The following ORC2 variants were observed in gnomAD, a reference collection of about 807,000 sequenced individuals.
ORC2 encodes origin recognition complex subunit 2, also known as origin recognition complex protein 2 homolog.
Under a neutral mutation model 77.7 loss-of-function variants are expected in ORC2, and 37 were observed. The observed-to-expected ratio is 0.48, with a 90% CI of 0.37 to 0.63. The LOEUF is 0.63. Among genes scored for constraint, ORC2 ranks in the 20% least tolerant of loss-of-function variants. The pLI, the probability that ORC2 is intolerant of heterozygous loss-of-function variation, is 0.00. For missense variants in ORC2, 557 were observed against 661.9 expected, an observed-to-expected ratio of 0.84 and a Z score of 1.74; for synonymous variants, 201 against 229.5, an observed-to-expected ratio of 0.88 and a Z score of 1.12.
At chr2:200,918,184 T>G (rs78291192) in intron 15 of ORC2, among the ~76,000 whole-genome samples, 1,846 of 152,310 alleles carry the variant, frequency 0.012, 32 homozygotes, top group African/African-American at 0.043. Context: ...ACTACTATCA[T>G]CCCATATAAG....
At chr2:200,953,052 G>A (rs1162895909) in intron 4 of ORC2, among the ~76,000 whole-genome samples, 3 of 149,468 alleles carry the variant, frequency 2.0e-5, no homozygotes, top group Non-Finnish European at 4.4e-5. Flanking sequence ...GGCTAAGGTT[G>A]CAGTGAGCCT....
At chr2:200,953,982 A>G (rs2041415021) in intron 4 of ORC2, among the ~76,000 whole-genome samples, 1 of 151,632 alleles carries the variant, frequency 6.6e-6, no homozygotes, top group Admixed American at 6.6e-5. Context: ...ACGCCCAGCT[A>G]ATTTTTGTAT....
chr2:200,924,047 A>C (rs2040802453), intron 13 of ORC2, among the ~76,000 whole-genome samples: 1 of 152,146 alleles, frequency 6.6e-6, no homozygotes, highest in African/African-American at 2.4e-5. Flanking sequence ...AAATGTGTAG[A>C]GTTGGTATAA....
At chr2:200,911,952 A>G (rs780225929) in intron 17 of ORC2, among the ~76,000 whole-genome samples, 1 of 152,322 alleles carries the variant, frequency 6.6e-6, no homozygotes, top group East Asian at 1.9e-4. Flanking sequence ...TTATATTCCT[A>G]AATCTCACAG....
intron 17 of ORC2, among the ~76,000 whole-genome samples, chr2:200,912,587 C>T (rs1487249003): frequency 6.9e-6 from 1 of 145,556 alleles, no homozygotes; most frequent in Non-Finnish European, 1.5e-5. Context: ...ACAACCAGCT[C>T]TTTTTTTTTT....
chr2:200,950,324 G>C lies in ORC2; in HGVS notation c.239-681C>G, dbSNP rs750078483. On this transcript the variant is annotated intron_variant, in intron 4 of 17. Coordinates refer to ENST00000234296, the MANE Select transcript of ORC2 (RefSeq NM_006190.5). Reference sequence around the variant, plus strand: ...CCAGCCTCGGTGATAAAGTGATAAAGTATCAAAAAAAAAAGCTTTCTTCAC... The same window carrying C: ...CCAGCCTCGGTGATAAAGTGATAAACTATCAAAAAAAAAAGCTTTCTTCAC... Among the ~76,000 whole-genome samples the C allele has an allele frequency of 2.0e-5, 3 of 151,378 alleles. No homozygotes were observed. In the East Asian group the frequency reaches 5.8e-4, roughly 29 times the overall value.
chr2:200,943,736 C>T (rs2041196148), intron 5 of ORC2, among the ~76,000 whole-genome samples: 1 of 152,086 alleles, frequency 6.6e-6, no homozygotes, highest in Non-Finnish European at 1.5e-5. Flanking sequence ...TCATAACAAT[C>T]TCTACAAATG....
chr2:200,929,520 G>A (rs536749350), intron 11 of ORC2, among the ~76,000 whole-genome samples: 1 of 152,264 alleles, frequency 6.6e-6, no homozygotes, highest in South Asian at 2.1e-4. Context: ...GCTGGGCGCT[G>A]TGGCTCACAC....
rs760818090 is a variant in ORC2, at chr2:200,960,777, ACTT to A, written c.-59-1340_-59-1338del. ...TGAAATTCACTTCGGACTGATCCTA[ACTT>A]CTTCTTTTTTTTTTCTAAGATGGAG... On this transcript the variant is annotated intron_variant, in intron 1 of 17. Coordinates refer to ENST00000234296, the MANE Select transcript of ORC2 (RefSeq NM_006190.5). 1.6e-4 allele frequency among the ~76,000 whole-genome samples: 24 copies of A among 152,090 alleles called. No homozygotes were observed. The East Asian group carries it at 1.7e-3, about 11-fold the overall frequency.
In ORC2 at chr2:200,910,636, G is replaced by A. The variant is rs1031670816; in HGVS notation, c.*665C>T. On this transcript the variant is annotated 3_prime_UTR_variant, in exon 18 of 18. Coordinates refer to ENST00000234296, the MANE Select transcript of ORC2 (RefSeq NM_006190.5). Reference sequence around the variant, plus strand: ...CAAATATATGACGTATTGTTCCTGTGCTTTCTAGGCTGGGTAGATACCCTA... The same window carrying A: ...CAAATATATGACGTATTGTTCCTGTACTTTCTAGGCTGGGTAGATACCCTA... 2.6e-5 allele frequency: 4 copies of A among 152,060 alleles called. No homozygotes were observed. Among genetic ancestry groups the A allele is most frequent in the Admixed American group, 1.3e-4 (2 of 15,244 alleles). The allele number at this position is 152,060 out of a possible 1,614,324, so 9.4% of individuals were successfully genotyped here.
intron 5 of ORC2, among the ~76,000 whole-genome samples, chr2:200,945,079 A>T (rs190724416): frequency 6.6e-6 from 1 of 152,306 alleles, no homozygotes; most frequent in Non-Finnish European, 1.5e-5. Context: ...TAGCTCACAG[A>T]GCTGAAAATA....
At chr2:200,961,477 A>G (rs754071919) in intron 1 of ORC2, among the ~76,000 whole-genome samples, 14 of 152,158 alleles carry the variant, frequency 9.2e-5, no homozygotes, top group Non-Finnish European at 1.6e-4. Context: ...GACCTCTGAA[A>G]ACCATTCATA....
At chr2:200,950,167 T>C (rs1422985626) in intron 4 of ORC2, among the ~76,000 whole-genome samples, 3 of 152,056 alleles carry the variant, frequency 2.0e-5, no homozygotes, top group East Asian at 3.9e-4. Flanking sequence ...TCGTCTCTAC[T>C]GAAAATACAA....
At chr2:200,940,035 T>C (rs2041118948) in intron 7 of ORC2, among the ~76,000 whole-genome samples, 1 of 152,234 alleles carries the variant, frequency 6.6e-6, no homozygotes, top group South Asian at 2.1e-4. Context: ...CTATACTGAC[T>C]GTGGAGACAA....
chr2:200,938,944 C>T (rs1301386613), intron 7 of ORC2, among the ~76,000 whole-genome samples: 1 of 151,426 alleles, frequency 6.6e-6, no homozygotes, highest in Non-Finnish European at 1.5e-5. Context: ...GAGGTTGAGG[C>T]AGGACAACTG....
chr2:200,930,534 A>G (rs2040922233), intron 11 of ORC2, among the ~76,000 whole-genome samples: 1 of 142,560 alleles, frequency 7.0e-6, no homozygotes, highest in Non-Finnish European at 1.5e-5. Context: ...TTTAAGACAG[A>G]GTCTCTCAAA....
At chr2:200,927,793 G>A (rs1024569212) in intron 11 of ORC2, among the ~76,000 whole-genome samples, 8 of 150,742 alleles carry the variant, frequency 5.3e-5, no homozygotes, top group African/African-American at 1.9e-4. Context: ...CGCCTCCCGG[G>A]TTCAAGCGAT....
chr2:200,922,522 T>C (rs2040777747), intron 13 of ORC2, among the ~76,000 whole-genome samples: 1 of 151,430 alleles, frequency 6.6e-6, no homozygotes, highest in Admixed American at 6.6e-5. Flanking sequence ...CAGGTATTGA[T>C]AAGTCTCTCT....
chr2:200,934,575 C>T (rs1172975296), intron 9 of ORC2, among the ~76,000 whole-genome samples: 3 of 151,680 alleles, frequency 2.0e-5, no homozygotes, highest in African/African-American at 4.8e-5. Flanking sequence ...GCAATCCTCC[C>T]ACCTTGCCCT....
Sources: allele counts gnomAD v4.1 joint callset (sites outside exome capture counted in the v4.1 genomes callset), GRCh38; gene constraint gnomAD v4.1.1; transcripts MANE v1.5; gene names NCBI Gene and HGNC (gene_info 2026-07-23, HGNC 2026-07-21).